The following ZFYVE26 variants were observed in gnomAD, a reference collection of about 807,000 sequenced individuals.
ZFYVE26 encodes zinc finger FYVE domain-containing protein 26.
In ZFYVE26, 181 loss-of-function variants were observed where a neutral mutation model predicts 276.5. The ratio of observed to expected loss-of-function variants is 0.65; its 90% confidence interval spans 0.58 to 0.74. The LOEUF (loss-of-function observed/expected upper bound fraction) is 0.74, where lower values mean the gene tolerates loss of function less well. Ranked by LOEUF, ZFYVE26 falls within the 30% of genes least tolerant of loss-of-function variation. ZFYVE26 has a pLI of 0.00. For missense variants in ZFYVE26, 2,821 were observed against 3,097.9 expected, an observed-to-expected ratio of 0.91 and a Z score of 2.12; for synonymous variants, 1,129 against 1,203.1, an observed-to-expected ratio of 0.94 and a Z score of 1.27.
rs571823872 is a variant in ZFYVE26 at position 67,758,094 on chromosome 14, C to G, written c.6589-1949G>C. ...TTTAATAATCATCTTGGCATTTAGACTTGAGGTTAGGAGTAATTAACGGAG... is the reference window on the plus strand; with the variant it reads ...TTTAATAATCATCTTGGCATTTAGAGTTGAGGTTAGGAGTAATTAACGGAG... On this transcript the variant is annotated intron_variant, in intron 35 of 41. Coordinates refer to ENST00000347230, the MANE Select transcript of ZFYVE26 (RefSeq NM_015346.4). Among the ~76,000 whole-genome samples, 6 of 152,224 alleles carry G rather than the reference C, an allele frequency of 3.9e-5. No individual in the cohort carries two copies. The South Asian group carries it at 1.0e-3, about 26-fold the overall frequency.
Position 67,786,200 on chromosome 14 carries a change from T to C in ZFYVE26, c.3053A>G (p.Asp1018Gly), listed in dbSNP as rs748987099. 1.2e-6 allele frequency: 2 copies of C among 1,601,010 alleles called. No individual in the cohort carries two copies. Among genetic ancestry groups the C allele is most frequent in the Non-Finnish European group, 1.7e-6 (2 of 1,177,506 alleles). Residue 1018 changes from aspartate to glycine, a missense_variant, in exon 17 of 42, where the codon GAT (aspartate) becomes GGT (glycine). Physicochemically the swap from Asp to Gly is moderately conservative, Grantham distance 94. Coordinates refer to ENST00000347230, the MANE Select transcript of ZFYVE26 (RefSeq NM_015346.4). The stretch of plus-strand genomic sequence containing the variant: ...AACAACTGGAAAACCTCGAATGCCA[T>C]CAGCATTTAGGAGTACGTGGTCTAT... ...RRIDHVLLNA[D>G]GIRGFPVVLQ...
intron 16 of ZFYVE26, among the ~76,000 whole-genome samples, chr14:67,787,536 T>C (rs2039689492): frequency 6.6e-6 from 1 of 152,292 alleles, no homozygotes; most frequent in South Asian, 2.1e-4. Context: ...CATGATGTGA[T>C]TGTTAAGCAT....
In ZFYVE26 at chr14:67,754,208, T is replaced by C. The variant is rs2038719844; in HGVS notation, c.6991A>G (p.Met2331Val). The C allele has an allele frequency of 6.2e-7, 1 of 1,614,236 alleles. No homozygotes were observed. Among genetic ancestry groups the C allele is most frequent in the Non-Finnish European group, 8.5e-7 (1 of 1,180,050 alleles). Residue 2331 changes from methionine (M) to valine (V), a missense_variant, in exon 38 of 42, where the codon ATG (methionine) becomes GTG (valine). Physicochemically the swap from Met to Val is conservative, Grantham distance 21 (BLOSUM62 1). Transcript: ENST00000347230. Reference sequence around the variant, plus strand: ...TCCATCTGCAGCTGAAGTGTGTTCATGTGCCTGTGGTGACAGAATATGCAC... The same window carrying C: ...TCCATCTGCAGCTGAAGTGTGTTCACGTGCCTGTGGTGACAGAATATGCAC... ...KMTAADVSRH[M>V]NTLQLQMEVT... is the part of the protein sequence containing the mutation.
chr14:67,806,766 T>A (rs1313403619), intron 5 of ZFYVE26, 91 bp from the exon 6 acceptor site: 53 of 1,534,902 alleles, frequency 3.5e-5, no homozygotes, highest in Non-Finnish European at 4.7e-5. Context: ...TGTGAGAGTT[T>A]GCTCTTTTAA....
intron 35 of ZFYVE26, among the ~76,000 whole-genome samples, chr14:67,760,623 T>C (rs1172830718): frequency 2.0e-5 from 3 of 152,040 alleles, no homozygotes; most frequent in Non-Finnish European, 4.4e-5. Context: ...AGCTACTCAG[T>C]AGGATGAGGT....
chr14:67,781,406 G>A lies in ZFYVE26; in HGVS notation c.4496C>T (p.Ser1499Leu). ...TAGTCCTTCTTGGACAGCCGTGTCT[G>A]AAATGCAGTAGGCCAGAATCTCCAG... ...SCLEILAYCI[S>L]DTAVQEGLKC... Residue 1499 changes from serine to leucine, a missense_variant, in exon 22 of 42, where the codon TCA (serine) becomes TTA (leucine). Coordinates refer to ENST00000347230, the MANE Select transcript of ZFYVE26 (RefSeq NM_015346.4). 6.2e-7 allele frequency: 1 copy of A among 1,614,196 alleles called. No individual in the cohort carries two copies. Among genetic ancestry groups the A allele is most frequent in the East Asian group, 2.2e-5 (1 of 44,884 alleles).
In ZFYVE26 at chr14:67,798,148, G is replaced by T. The variant is rs755479011; in HGVS notation, c.2114C>A (p.Pro705His). ...QLDEISSRSP[P>H]EKPKQESQSC... ...CTGACTTTCTTGCTTTGGCTTCTCA[G>T]GAGGGCTGCGGCTACTGATCTCATC... is the stretch of plus-strand genomic sequence containing the variant. The change falls in exon 11 of 42, where the codon CCT (proline) becomes CAT (histidine). Residue 705 changes from proline (P) to histidine (H), a missense_variant. By Grantham distance (77) the Pro-to-His change is moderately conservative. Transcript: ENST00000347230. 1 of 1,614,098 alleles carries T rather than the reference G, an allele frequency of 6.2e-7. No homozygotes were observed. Among genetic ancestry groups the T allele is most frequent in the Non-Finnish European group, 8.5e-7 (1 of 1,179,992 alleles).
At position 67,806,663 on chromosome 14, in the gene ZFYVE26, T is replaced by C. The variant is rs1204916247; in HGVS notation, c.899A>G (p.His300Arg). 2.5e-6 allele frequency: 4 copies of C among 1,614,138 alleles called. No individual in the cohort carries two copies. Among genetic ancestry groups the C allele is most frequent in the Non-Finnish European group, 2.5e-6 (3 of 1,180,016 alleles). ...TAGCATTGCCCGCTCAGGATCTAGA[T>C]GATCCGGTGAGACTGAACATCAAAC... ...ATASGKVSPD[H>R]LDPERAMLAL... is the part of the protein sequence containing the mutation. Residue 300 changes from histidine (H) to arginine (R), a missense_variant, in exon 6 of 42, where the codon CAT becomes CGT. By Grantham distance (29) the His-to-Arg change is conservative. Coordinates refer to ENST00000347230, the MANE Select transcript of ZFYVE26 (RefSeq NM_015346.4).
At chr14:67,768,667 T>C in intron 29 of ZFYVE26, 119 bp from the exon 30 acceptor site, 2 of 973,416 alleles carry the variant, frequency 2.1e-6, no homozygotes, top group South Asian at 1.3e-5. Flanking sequence ...TCTTTGAGGG[T>C]AGAATTGTTG....
chr14:67,769,238 T>C (rs1244620449), intron 29 of ZFYVE26, among the ~76,000 whole-genome samples: 1 of 152,164 alleles, frequency 6.6e-6, no homozygotes, highest in Non-Finnish European at 1.5e-5. Flanking sequence ...TGTGAACATG[T>C]CCATTTGAGT....
intron 38 of ZFYVE26, 37 bp downstream of exon 38, chr14:67,754,034 A>G (rs2038713910): frequency 6.2e-7 from 1 of 1,613,986 alleles, no homozygotes; most frequent in Non-Finnish European, 8.5e-7. Flanking sequence ...CTAAAAGATG[A>G]CAATAGTCTG....
intron 23 of ZFYVE26, 168 bp from the exon 24 acceptor site, chr14:67,778,416 C>T: frequency 1.2e-6 from 1 of 803,016 alleles, no homozygotes; most frequent in Non-Finnish European, 2.0e-6. Context: ...CCTCTTAGCA[C>T]TACCATAAAA....
At chr14:67,753,951 A>G in intron 38 of ZFYVE26, 120 bp downstream of exon 38, 1 of 1,557,272 alleles carries the variant, frequency 6.4e-7, no homozygotes, top group Non-Finnish European at 8.8e-7. Flanking sequence ...GGTGGCTCAT[A>G]TTCTAGTGGG....
At chr14:67,741,175 A>G (rs1348003947) in intron 13 of ZFYVE26, among the ~76,000 whole-genome samples, 1 of 152,190 alleles carries the variant, frequency 6.6e-6, no homozygotes, top group Non-Finnish European at 1.5e-5. Flanking sequence ...TAATCTGCAC[A>G]CCTTCAAAGC....
intron 24 of ZFYVE26, 31 bp from the exon 25 acceptor site, chr14:67,777,766 G>A: frequency 6.2e-7 from 1 of 1,613,400 alleles, no homozygotes; most frequent in Non-Finnish European, 8.5e-7. Context: ...AGGAAGGTGT[G>A]GCCTGCAGAA....
intron 9 of ZFYVE26, among the ~76,000 whole-genome samples, chr14:67,802,980 A>G (rs1404535735): frequency 2.0e-5 from 3 of 152,264 alleles, no homozygotes; most frequent in African/African-American, 7.2e-5. Context: ...AAAGAAATGT[A>G]TACATTCCAC....
chr14:67,779,484 C>T (rs1566879708), intron 23 of ZFYVE26, among the ~76,000 whole-genome samples: 2 of 152,130 alleles, frequency 1.3e-5, no homozygotes, highest in Non-Finnish European at 2.9e-5. Context: ...ATCATCTGAA[C>T]CCGGGAGGCG....
In ZFYVE26 at chr14:67,816,535, T is replaced by TG. The variant is rs1208301493; in HGVS notation, c.-86dup. 1 of 152,676 alleles carries TG rather than the reference T, an allele frequency of 6.5e-6. No homozygotes were observed. The highest frequency in any genetic ancestry group is 6.5e-5 in the Admixed American group (1 of 15,314). The allele number at this position is 152,676 out of a possible 1,614,324, so 9.5% of individuals were successfully genotyped here. On this transcript the variant is annotated splice_region_variant and 5_prime_UTR_variant, in exon 1 of 42. An upstream open reading frame in the 5' UTR loses its in-frame stop. Transcript: ENST00000347230. ...CTCTCAGGGGTGTCTTACACTCACC[T>TG]GCTCCCGGCGCCCAAAGCAATAGAG...
At chr14:67,737,716 T>C (rs17782775) in intron 13 of ZFYVE26, among the ~76,000 whole-genome samples, 64,791 of 151,764 alleles carry the variant, frequency 0.43, 16,373 homozygotes, top group Non-Finnish European at 0.59. Flanking sequence ...CACAAAAGAG[T>C]AGTACCCATA....
Sources: gnomAD v4.1 joint callset for allele counts (sites outside exome capture counted in the v4.1 genomes callset) on GRCh38, gnomAD v4.1.1 for gene constraint, MANE v1.5 for transcripts, NCBI Gene and HGNC (gene_info 2026-07-23, HGNC 2026-07-21) for gene names.